Variants in ADAMTSL1 observed in about 807,000 individuals in gnomAD.
ADAMTSL1 encodes ADAMTS like 1.
A neutral mutation model predicts 201.8 loss-of-function variants in ADAMTSL1; 126 were observed. The observed-to-expected ratio is 0.62, with a 90% CI of 0.54 to 0.72. The LOEUF is 0.72. ADAMTSL1 is among the 30% of genes least tolerant of loss of function. The pLI, the probability that ADAMTSL1 is intolerant of heterozygous loss-of-function variation, is 0.00. For synonymous variants in ADAMTSL1, 1,121 were observed against 903.4 expected (o/e 1.24, Z -4.32); for missense variants, 2,679 against 2,277.8 (o/e 1.18, Z -3.59).
At chr9:18,163,025 A>G (rs575620700) in intron 1 of ADAMTSL1, among the ~76,000 whole-genome samples, 2 of 152,192 alleles carry the variant, frequency 1.3e-5, no homozygotes, top group South Asian at 2.1e-4. Flanking sequence ...ACTGAGGCAT[A>G]GAGAGGCAGG....
intron 2 of ADAMTSL1, among the ~76,000 whole-genome samples, chr9:18,195,002 A>T (rs1479484207): frequency 1.3e-5 from 2 of 152,136 alleles, no homozygotes; most frequent in African/African-American, 2.4e-5. Flanking sequence ...TGCATGAAAG[A>T]CTAGTAATCA....
At chr9:18,219,008 G>T (rs954456710) in intron 2 of ADAMTSL1, among the ~76,000 whole-genome samples, 1 of 151,906 alleles carries the variant, frequency 6.6e-6, no homozygotes, top group East Asian at 1.9e-4. Context: ...TTGATTTGTA[G>T]TGCTACATCT....
chr9:18,777,151 G>A lies in ADAMTSL1; in HGVS notation c.2922G>A (p.Pro974=), dbSNP rs1223177773. ...NRKLVARPLS[P]RSEEEVLAGR... ...AGCTCGTGGCCCGGCCCTTGAGCCCGAGAAGTGAGGAAGAGGTGCTTGCGG... is the reference window on the plus strand; with the variant it reads ...AGCTCGTGGCCCGGCCCTTGAGCCCAAGAAGTGAGGAAGAGGTGCTTGCGG... The change falls in exon 19 of 29, where the codon CCG becomes CCA. Residue 974 remains proline (P), a synonymous_variant. Coordinates refer to ENST00000380548, the MANE Select transcript of ADAMTSL1 (RefSeq NM_001040272.6). 4 of 1,612,966 alleles carry A rather than the reference G, an allele frequency of 2.5e-6. No individual in the cohort carries two copies. Among genetic ancestry groups the A allele is most frequent in the Non-Finnish European group, 2.5e-6 (3 of 1,179,818 alleles).
At chr9:18,032,022 T>A (rs957700278) in intron 1 of ADAMTSL1, among the ~76,000 whole-genome samples, 1 of 152,198 alleles carries the variant, frequency 6.6e-6, no homozygotes, top group Admixed American at 6.5e-5. Context: ...AGACTGGGTC[T>A]CCTTCTAGTG....
intron 2 of ADAMTSL1, among the ~76,000 whole-genome samples, chr9:18,190,745 C>T (rs181472677): frequency 8.9e-4 from 136 of 152,232 alleles, no homozygotes; most frequent in Non-Finnish European, 1.7e-3. Context: ...TGTTTGCTCC[C>T]GTCCATTTGA....
chr9:18,483,131 T>C (rs1821812625), intron 1 of ADAMTSL1, among the ~76,000 whole-genome samples: 1 of 152,222 alleles, frequency 6.6e-6, no homozygotes, highest in Non-Finnish European at 1.5e-5. Context: ...GGTTTTGTTT[T>C]ATTTTGTCCT....
intron 3 of ADAMTSL1, among the ~76,000 whole-genome samples, chr9:18,549,545 G>T (rs1227337164): frequency 6.6e-6 from 1 of 152,000 alleles, no homozygotes; most frequent in Non-Finnish European, 1.5e-5. Context: ...GTATGAGAGT[G>T]TGTATATGTA....
chr9:18,260,979 G>A lies in ADAMTSL1; in HGVS notation c.207+96998G>A, dbSNP rs898199811. Among the ~76,000 whole-genome samples, 11 of 142,272 alleles carry A rather than the reference G, an allele frequency of 7.7e-5. No homozygotes were observed. The Admixed American group carries it at 8.0e-4, about 10-fold the overall frequency. 93.3% of individuals were successfully genotyped at this position (142,272 alleles called of 152,430 possible). A position where few individuals can be genotyped will look rare whatever the true frequency, so the allele number is the denominator to read the frequency against. On this transcript the variant is annotated intron_variant, in intron 2 of 29. Transcript: ENST00000680146. ...GTTGTATGTAAGTAGAGATTCTGCT[G>A]TTCTACTTAAATCTCCTCTTTTTTT...
intron 2 of ADAMTSL1, among the ~76,000 whole-genome samples, chr9:18,346,456 AG>A (rs1250530661): frequency 6.6e-6 from 1 of 152,180 alleles, no homozygotes; most frequent in Non-Finnish European, 1.5e-5. Flanking sequence ...ACTCTAAGCA[AG>A]TAAGGGTTTT....
At chr9:17,911,824 A>C (rs2131268460) in intron 1 of ADAMTSL1, among the ~76,000 whole-genome samples, 1 of 48,206 alleles carries the variant, frequency 2.1e-5, no homozygotes, top group African/African-American at 3.8e-5. Flanking sequence ...TCCTAATGCT[A>C]TCCCTTCCCC....
At chr9:18,649,824 T>A (rs1011267480) in intron 7 of ADAMTSL1, among the ~76,000 whole-genome samples, 1 of 152,082 alleles carries the variant, frequency 6.6e-6, no homozygotes, top group Admixed American at 6.5e-5. Context: ...CAGTTAGGCT[T>A]CTTGGGGGTC....
At chr9:18,117,243 T>C (rs75899278) in intron 1 of ADAMTSL1, among the ~76,000 whole-genome samples, 2,538 of 152,306 alleles carry the variant, frequency 0.017, 80 homozygotes, top group African/African-American at 0.058. Flanking sequence ...AATGTCCTTC[T>C]TCTGCTAAAA....
At chr9:18,116,735 C>G (rs1284691831) in intron 1 of ADAMTSL1, among the ~76,000 whole-genome samples, 1 of 151,978 alleles carries the variant, frequency 6.6e-6, no homozygotes, top group Admixed American at 6.6e-5. Context: ...TATGATTATA[C>G]TTTAAGTTTT....
intron 2 of ADAMTSL1, among the ~76,000 whole-genome samples, chr9:18,416,988 C>G (rs767468430): frequency 4.6e-5 from 7 of 151,868 alleles, no homozygotes; most frequent in Non-Finnish European, 8.8e-5. Flanking sequence ...GTGTAGATGG[C>G]ACAATTACCT....
chr9:18,042,626 G>C (rs1022385683), intron 1 of ADAMTSL1, among the ~76,000 whole-genome samples: 1 of 152,094 alleles, frequency 6.6e-6, no homozygotes, highest in Non-Finnish European at 1.5e-5. Flanking sequence ...ATCAGAGAAA[G>C]CTCTTATAAC....
intron 23 of ADAMTSL1, among the ~76,000 whole-genome samples, chr9:18,846,416 C>T (rs1826116219): frequency 6.6e-6 from 1 of 152,048 alleles, no homozygotes; most frequent in South Asian, 2.1e-4. Context: ...GGTAGAGGAG[C>T]CGGCAGAGGT....
At chr9:18,247,585 T>C (rs1459313732) in intron 2 of ADAMTSL1, among the ~76,000 whole-genome samples, 1 of 152,050 alleles carries the variant, frequency 6.6e-6, no homozygotes, top group African/African-American at 2.4e-5. Flanking sequence ...GAAATGATGG[T>C]TGTATTTTAT....
At position 18,775,726 on chromosome 9, in the gene ADAMTSL1, CT is replaced by C. The variant is rs779540002; in HGVS notation, c.2398-14del. 1 of 1,610,592 alleles carries C rather than the reference CT, an allele frequency of 6.2e-7. No homozygotes were observed. Among genetic ancestry groups the C allele is most frequent in the South Asian group, 1.1e-5 (1 of 90,006 alleles). ...TTCCCAGAATTTATGTGCATTTGGCCTTTCTTTCTCCACCAGTGTTCCACAA... is the reference window on the plus strand; with the variant it reads ...TTCCCAGAATTTATGTGCATTTGGCCTTCTTTCTCCACCAGTGTTCCACAA... On this transcript the variant is annotated splice_polypyrimidine_tract_variant and intron_variant, in intron 17 of 28. Coordinates refer to ENST00000380548, the MANE Select transcript of ADAMTSL1 (RefSeq NM_001040272.6).
intron 2 of ADAMTSL1, among the ~76,000 whole-genome samples, chr9:18,452,490 G>C (rs1007952098): frequency 6.6e-6 from 1 of 152,152 alleles, no homozygotes; most frequent in African/African-American, 2.4e-5. Flanking sequence ...ACTTACTCCA[G>C]AACCAACTCA....
Sources: allele counts gnomAD v4.1 joint callset (sites outside exome capture counted in the v4.1 genomes callset), GRCh38; gene constraint gnomAD v4.1.1; transcripts MANE v1.5; gene names NCBI Gene and HGNC (gene_info 2026-07-23, HGNC 2026-07-21).